Variants in DLG2 observed in about 807,000 individuals in gnomAD.
DLG2 encodes the protein discs large MAGUK scaffold protein 2.
Under a neutral mutation model 132.5 loss-of-function variants are expected in DLG2, and 45 were observed. The observed-to-expected ratio is 0.34, with a 90% CI of 0.27 to 0.44. The LOEUF is 0.44. Ranked by LOEUF, DLG2 falls within the 20% of genes least tolerant of loss-of-function variation. DLG2 has a pLI of 1.00. For missense variants in DLG2, 1,045 were observed against 1,196.9 expected (o/e 0.87, Z 1.87); for synonymous variants, 424 against 419.6 (o/e 1.01, Z -0.13).
At position 84,487,192 on chromosome 11, in the gene DLG2, T is replaced by C. The variant is rs568583853; in HGVS notation, c.519+47378A>G. ...GTCTTTTTTTCAGAGTCTGTGTTTA[T>C]CTGAAAGTTATAATTTGTTTACTTG... On this transcript the variant is annotated intron_variant, in intron 7 of 27. Coordinates refer to ENST00000376104, the MANE Select transcript of DLG2 (RefSeq NM_001142699.3). Among the ~76,000 whole-genome samples the C allele has an allele frequency of 9.9e-5, 15 of 152,274 alleles. No individual in the cohort carries two copies. The East Asian group carries it at 2.9e-3, about 29-fold the overall frequency.
At chr11:85,058,770 G>C (rs1016524369) in intron 6 of DLG2, among the ~76,000 whole-genome samples, 3 of 151,272 alleles carry the variant, frequency 2.0e-5, no homozygotes, top group Admixed American at 2.0e-4. Context: ...TAATTAAATG[G>C]GGGAAAAGGT....
intron 11 of DLG2, among the ~76,000 whole-genome samples, chr11:84,014,906 C>T (rs1368662274): frequency 6.6e-6 from 1 of 151,978 alleles, no homozygotes; most frequent in African/African-American, 2.4e-5. Context: ...ATATCTCCAC[C>T]CTCGAGAATG....
chr11:83,524,720 T>TG, intron 21 of DLG2, among the ~76,000 whole-genome samples: 1 of 152,340 alleles, frequency 6.6e-6, no homozygotes, highest in East Asian at 1.9e-4. Flanking sequence ...TTTGTACTTA[T>TG]GCTTTGCACT....
chr11:84,540,778 C>T (rs1344151427), intron 6 of DLG2, among the ~76,000 whole-genome samples: 1 of 152,184 alleles, frequency 6.6e-6, no homozygotes, highest in Non-Finnish European at 1.5e-5. Flanking sequence ...ATACCAAAGA[C>T]TTGGAACCAA....
At chr11:83,644,341 T>C (rs2067489449) in intron 18 of DLG2, among the ~76,000 whole-genome samples, 1 of 152,166 alleles carries the variant, frequency 6.6e-6, no homozygotes, top group Admixed American at 6.6e-5. Context: ...ATAAATATGT[T>C]CTACTCCTCT....
chr11:83,689,459 C>A (rs534477295), intron 18 of DLG2, among the ~76,000 whole-genome samples: 7 of 152,138 alleles, frequency 4.6e-5, no homozygotes, highest in Admixed American at 2.0e-4. Context: ...GCAATGAAGG[C>A]TAAAGTGGAA....
chr11:84,978,191 G>A (rs761698024), intron 6 of DLG2, among the ~76,000 whole-genome samples: 8 of 152,224 alleles, frequency 5.3e-5, no homozygotes, highest in Admixed American at 6.5e-5. Context: ...AGAAAACTCC[G>A]TCAGAAAGCT....
chr11:83,504,677 G>T (rs1476573369), intron 21 of DLG2, among the ~76,000 whole-genome samples: 3 of 152,144 alleles, frequency 2.0e-5, no homozygotes, highest in Non-Finnish European at 4.4e-5. Flanking sequence ...AATGTTGTGG[G>T]AGGAGGAAGC....
chr11:84,166,378 T>C (rs2154265110), intron 8 of DLG2, among the ~76,000 whole-genome samples: 1 of 151,400 alleles, frequency 6.6e-6, no homozygotes, highest in South Asian at 2.1e-4. Context: ...GGCGTGCACC[T>C]GTAGTCCCAG....
intron 18 of DLG2, among the ~76,000 whole-genome samples, chr11:83,649,642 C>A (rs1463435870): frequency 1.3e-5 from 2 of 152,066 alleles, no homozygotes; most frequent in African/African-American, 2.4e-5. Flanking sequence ...TGTTTTACAT[C>A]GAAAGTGCTG....
intron 5 of DLG2, chr11:85,132,990 G>C (rs567514246): frequency 2.9e-6 from 1 of 341,402 alleles, no homozygotes; most frequent in Non-Finnish European, 5.9e-6. Context: ...GATTCTGCTA[G>C]GCACCAGAAA....
intron 7 of DLG2, among the ~76,000 whole-genome samples, chr11:84,362,480 T>G (rs577256617): frequency 6.6e-6 from 1 of 151,876 alleles, no homozygotes; most frequent in African/African-American, 2.4e-5. Context: ...AAAACCAGAA[T>G]TCAAATAATC....
chr11:84,477,518 A>G (rs1345275625), intron 7 of DLG2, among the ~76,000 whole-genome samples: 1 of 152,054 alleles, frequency 6.6e-6, no homozygotes, highest in Admixed American at 6.6e-5. Flanking sequence ...TAAATAAATA[A>G]TGATGGCAAC....
chr11:83,594,657 G>T (rs919717619), intron 19 of DLG2, among the ~76,000 whole-genome samples: 2 of 152,158 alleles, frequency 1.3e-5, no homozygotes, highest in African/African-American at 4.8e-5. Context: ...CTTAGAAGAG[G>T]ATTTATAAAT....
At chr11:84,359,732 T>C (rs987230983) in intron 7 of DLG2, among the ~76,000 whole-genome samples, 13 of 151,682 alleles carry the variant, frequency 8.6e-5, no homozygotes, top group African/African-American at 2.9e-4. Context: ...GGATAAAATG[T>C]CATCCTTTCT....
At chr11:85,435,460 A>G (rs113187271) in intron 3 of DLG2, among the ~76,000 whole-genome samples, 4 of 152,320 alleles carry the variant, frequency 2.6e-5, no homozygotes, top group African/African-American at 7.2e-5. Context: ...CAACTTCAGC[A>G]AAGTCTCAGA....
intron 6 of DLG2, among the ~76,000 whole-genome samples, chr11:85,062,883 G>A (rs550739366): frequency 6.6e-6 from 1 of 151,752 alleles, no homozygotes; most frequent in South Asian, 2.1e-4. Flanking sequence ...AGAGAAATAA[G>A]CACACTAAGC....
At chr11:84,042,440 C>G (rs1168856971) in intron 11 of DLG2, among the ~76,000 whole-genome samples, 1 of 151,564 alleles carries the variant, frequency 6.6e-6, no homozygotes, top group African/African-American at 2.4e-5. Flanking sequence ...ATCAGATTTT[C>G]TTGCATAAAA....
intron 7 of DLG2, among the ~76,000 whole-genome samples, chr11:84,273,742 G>C (rs890220711): frequency 2.0e-5 from 3 of 152,172 alleles, no homozygotes; most frequent in African/African-American, 7.2e-5. Flanking sequence ...TGTTTGCTGT[G>C]TCAGAAATAC....
Sources: gnomAD v4.1 joint callset for allele counts (sites outside exome capture counted in the v4.1 genomes callset) on GRCh38, gnomAD v4.1.1 for gene constraint, MANE v1.5 for transcripts, NCBI Gene and HGNC (gene_info 2026-07-23, HGNC 2026-07-21) for gene names.